ANO1: variants seen among roughly 807,000 people sequenced by gnomAD.
The protein encoded by ANO1 is anoctamin 1, also known as anoctamin-1.
ANO1 carries 59 observed loss-of-function variants against 124.0 expected under a neutral mutation model. The observed-to-expected ratio is 0.48, with a 90% confidence interval of 0.39 to 0.59. The LOEUF is 0.59. Ranked by LOEUF, ANO1 falls within the 20% of genes least tolerant of loss-of-function variation. The pLI, the probability that ANO1 is intolerant of heterozygous loss-of-function variation, is 0.00. For missense variants in ANO1, 1,059 were observed against 1,328.0 expected (o/e 0.80, Z 3.15); for synonymous variants, 529 against 532.0 (o/e 0.99, Z 0.08).
At chr11:70,150,766 T>TAA (rs11418881) in intron 12 of ANO1, among the ~76,000 whole-genome samples, 2 of 149,310 alleles carry the variant, frequency 1.3e-5, no homozygotes, top group African/African-American at 4.9e-5. Flanking sequence ...TGCTCCCTTT[T>TAA]AAAAAAAAAA....
At chr11:70,108,272 C>T in intron 5 of ANO1, 81 bp from the exon 6 acceptor site, 4 of 1,419,884 alleles carry the variant, frequency 2.8e-6, no homozygotes, top group Non-Finnish European at 3.9e-6. Context: ...TGACCAGGTC[C>T]TCTCCAGCCA....
intron 1 of ANO1, among the ~76,000 whole-genome samples, chr11:70,005,501 C>T (rs1856468420): frequency 6.6e-6 from 1 of 152,238 alleles, no homozygotes; most frequent in African/African-American, 2.4e-5. Context: ...GGTTTGCAAT[C>T]TCCGCTCCTC....
chr11:69,975,675 G>A, the ANO1 span, among the ~76,000 whole-genome samples: 1 of 152,318 alleles, frequency 6.6e-6, no homozygotes, highest in East Asian at 1.9e-4. Context: ...GCAGCTGTGG[G>A]ACTCTGGCTC....
Position 70,078,375 on chromosome 11 carries a change from G to C in ANO1, c.-232G>C, listed in dbSNP as rs2044093230. On this transcript the variant is annotated 5_prime_UTR_variant, in exon 1 of 26. Transcript: ENST00000355303. Reference sequence around the variant, plus strand: ...CCGCGGGACCAGCAGCCGGGTGGCGGCGCGATCGGCCCCGAGAGGCTCAGG... The same window carrying C: ...CCGCGGGACCAGCAGCCGGGTGGCGCCGCGATCGGCCCCGAGAGGCTCAGG... 1 of 149,106 alleles carries C rather than the reference G, an allele frequency of 6.7e-6. No homozygotes were observed. Among genetic ancestry groups the C allele is most frequent in the African/African-American group, 2.4e-5 (1 of 40,956 alleles). 9.2% of individuals were successfully genotyped at this position (149,106 alleles called of 1,614,324 possible).
upstream of ANO1, among the ~76,000 whole-genome samples, chr11:69,982,104 G>A (rs1247729751): frequency 6.6e-6 from 1 of 152,236 alleles, no homozygotes; most frequent in African/African-American, 2.4e-5. Context: ...GGATAGAAAT[G>A]TGGGTGCTCA....
chr11:70,011,498 C>G (rs80225643), intron 1 of ANO1, among the ~76,000 whole-genome samples: 6,741 of 152,252 alleles, frequency 0.044, 491 homozygotes, highest in African/African-American at 0.15. Flanking sequence ...ACATCACCCA[C>G]TCTGGTACTG....
intron 1 of ANO1, among the ~76,000 whole-genome samples, chr11:70,002,295 C>A (rs1856396460): frequency 6.6e-6 from 1 of 151,816 alleles, no homozygotes; most frequent in African/African-American, 2.4e-5. Flanking sequence ...GAAACCCCAT[C>A]TCTACTAAAA....
chr11:70,109,800 G>A (rs1045051570), intron 6 of ANO1, among the ~76,000 whole-genome samples: 1 of 152,158 alleles, frequency 6.6e-6, no homozygotes, highest in Non-Finnish European at 1.5e-5. Context: ...TTCTCTGCTC[G>A]GGTGGTCCCT....
intron 22 of ANO1, among the ~76,000 whole-genome samples, chr11:70,173,819 C>T (rs987815694): frequency 2.0e-5 from 3 of 152,058 alleles, no homozygotes; most frequent in Non-Finnish European, 2.9e-5. Context: ...GGGAGGCCGA[C>T]GCAGGTGGAT....
At chr11:70,059,931 C>A (rs144462248) in intron 1 of ANO1, among the ~76,000 whole-genome samples, 2 of 130,270 alleles carry the variant, frequency 1.5e-5, no homozygotes, top group Non-Finnish European at 3.2e-5. Flanking sequence ...GGGATATTAG[C>A]GGGTGTGGAG....
chr11:69,975,625 G>C, the ANO1 span, among the ~76,000 whole-genome samples: 4 of 152,308 alleles, frequency 2.6e-5, no homozygotes, highest in East Asian at 7.7e-4. Flanking sequence ...CCTAGGAAAT[G>C]TGCAAACCAT....
Position 70,108,345 on chromosome 11 carries a change from TG to T in ANO1, c.748-7del, listed in dbSNP as rs2045640856. 6.2e-7 allele frequency: 1 copy of T among 1,608,742 alleles called. No homozygotes were observed. The highest frequency in any genetic ancestry group is 8.5e-7 in the Non-Finnish European group (1 of 1,176,020). ...AACTGCTCACCCCCCTTCTTGTCTCTGCAATAGGTCTATGAGATCTTGAAGA... is the reference window on the plus strand; with the variant it reads ...AACTGCTCACCCCCCTTCTTGTCTCTCAATAGGTCTATGAGATCTTGAAGA... On this transcript the variant is annotated splice_polypyrimidine_tract_variant and splice_region_variant and intron_variant, in intron 5 of 25. Coordinates refer to ENST00000355303, the MANE Select transcript of ANO1 (RefSeq NM_018043.7).
upstream of ANO1, among the ~76,000 whole-genome samples, chr11:70,077,965 G>A (rs187900721): frequency 6.6e-6 from 1 of 152,220 alleles, no homozygotes; most frequent in Non-Finnish European, 1.5e-5. Flanking sequence ...CTGAGTGACA[G>A]CAGGAGTTTG....
chr11:70,170,825 G>T, intron 21 of ANO1, 62 bp from the exon 22 acceptor site: 1 of 1,548,414 alleles, frequency 6.5e-7, no homozygotes, highest in Non-Finnish European at 8.8e-7. Context: ...ACGGGGTGGT[G>T]GAGTCCCCCC....
chr11:70,031,357 T>C (rs1370093410), intron 1 of ANO1, among the ~76,000 whole-genome samples: 1 of 152,180 alleles, frequency 6.6e-6, no homozygotes, highest in East Asian at 1.9e-4. Flanking sequence ...TTTGAAACAT[T>C]TGAAATTCTC....
intron 1 of ANO1, among the ~76,000 whole-genome samples, chr11:70,067,100 A>G (rs1857746740): frequency 6.6e-6 from 1 of 152,156 alleles, no homozygotes; most frequent in African/African-American, 2.4e-5. Context: ...AAGTTTCCTT[A>G]TATCAAGCAG....
chr11:70,153,191 G>A, intron 14 of ANO1, 63 bp downstream of exon 14: 1 of 1,402,082 alleles, frequency 7.1e-7, no homozygotes, highest in South Asian at 1.2e-5. Context: ...CAACCATGTA[G>A]ACCTGGGATC....
chr11:70,060,807 T>A (rs1234082596), intron 1 of ANO1, among the ~76,000 whole-genome samples: 2 of 152,134 alleles, frequency 1.3e-5, no homozygotes, highest in African/African-American at 4.8e-5. Context: ...GTGTGAGGGC[T>A]CCAGCAGCAC....
At chr11:70,150,814 T>G (rs2047574483) in intron 12 of ANO1, among the ~76,000 whole-genome samples, 2 of 152,262 alleles carry the variant, frequency 1.3e-5, no homozygotes, top group African/African-American at 2.4e-5. Context: ...TGTAGACATT[T>G]CTTTCTAAAG....
Sources: gnomAD v4.1 joint callset for allele counts (sites outside exome capture counted in the v4.1 genomes callset) on GRCh38, gnomAD v4.1.1 for gene constraint, MANE v1.5 for transcripts, NCBI Gene and HGNC (gene_info 2026-07-23, HGNC 2026-07-21) for gene names.